GPC6: variants seen among roughly 807,000 people sequenced by gnomAD.
GPC6 encodes the protein glypican-6.
Under a neutral mutation model 55.2 loss-of-function variants are expected in GPC6, and 14 were observed. That is an observed-to-expected ratio of 0.25 (90% CI 0.17 to 0.40). The LOEUF (loss-of-function observed/expected upper bound fraction) is 0.40. GPC6 is among the 10% of genes least tolerant of loss of function. GPC6 has a pLI of 1.00. For missense variants in GPC6, 641 were observed against 708.5 expected, an observed-to-expected ratio of 0.90 and a Z score of 1.08; for synonymous variants, 278 against 259.6, an observed-to-expected ratio of 1.07 and a Z score of -0.68.
chr13:93,684,265 A>C (rs1881959161), intron 2 of GPC6, among the ~76,000 whole-genome samples: 1 of 152,100 alleles, frequency 6.6e-6, no homozygotes, highest in Non-Finnish European at 1.5e-5. Flanking sequence ...GGCTCACTGC[A>C]ACCTGCGCCT....
chr13:93,748,648 A>G (rs1006353151), intron 2 of GPC6, among the ~76,000 whole-genome samples: 15 of 152,104 alleles, frequency 9.9e-5, no homozygotes, highest in Admixed American at 7.2e-4. Context: ...GGTTAATATT[A>G]TTAGCAGTAA....
At chr13:94,175,957 G>A (rs7322374) in intron 4 of GPC6, among the ~76,000 whole-genome samples, 1 of 60,168 alleles carries the variant, frequency 1.7e-5, no homozygotes, top group Non-Finnish European at 4.1e-5. Flanking sequence ...TATATATATA[G>A]AGAGAGAGAG....
intron 1 of GPC6, among the ~76,000 whole-genome samples, chr13:93,414,500 T>C (rs1362233785): frequency 6.6e-6 from 1 of 152,198 alleles, no homozygotes; most frequent in African/African-American, 2.4e-5. Context: ...GGATGAGGAC[T>C]GTTACTCATC....
intron 6 of GPC6, among the ~76,000 whole-genome samples, chr13:94,364,618 C>T (rs1420694790): frequency 6.6e-6 from 1 of 152,084 alleles, no homozygotes; most frequent in Non-Finnish European, 1.5e-5. Flanking sequence ...TTTTAATGCT[C>T]GTTTATGTGT....
At chr13:94,191,948 C>T (rs1469230190) in intron 4 of GPC6, among the ~76,000 whole-genome samples, 1 of 152,118 alleles carries the variant, frequency 6.6e-6, no homozygotes, top group South Asian at 2.1e-4. Flanking sequence ...GAAAAATATC[C>T]TCTTATACTT....
intron 2 of GPC6, among the ~76,000 whole-genome samples, chr13:93,796,565 AAGAT>A (rs1200502231): frequency 2.6e-5 from 4 of 152,202 alleles, no homozygotes; most frequent in African/African-American, 9.6e-5. Context: ...AAAAAATCAA[AAGAT>A]AGTAAGACTG....
chr13:93,613,819 A>G (rs1163843431), intron 2 of GPC6, among the ~76,000 whole-genome samples: 1 of 152,064 alleles, frequency 6.6e-6, no homozygotes, highest in Non-Finnish European at 1.5e-5. Context: ...AAGTCCCACA[A>G]CCCTGGATGT....
chr13:93,674,900 T>A (rs1347115955), intron 2 of GPC6, among the ~76,000 whole-genome samples: 4 of 152,266 alleles, frequency 2.6e-5, no homozygotes, highest in Admixed American at 2.6e-4. Context: ...GTAAGGGACT[T>A]TTTATACCTG....
chr13:93,596,792 AC>A (rs1304825008), intron 2 of GPC6, among the ~76,000 whole-genome samples: 2 of 148,680 alleles, frequency 1.3e-5, no homozygotes, highest in African/African-American at 4.9e-5. Flanking sequence ...ACAGGTACAT[AC>A]ATATAGATGT....
chr13:93,710,445 T>C (rs1347204376), intron 2 of GPC6, among the ~76,000 whole-genome samples: 2 of 151,734 alleles, frequency 1.3e-5, no homozygotes, highest in African/African-American at 4.8e-5. Flanking sequence ...TCACATCTTG[T>C]GTAGTGAATC....
intron 2 of GPC6, among the ~76,000 whole-genome samples, chr13:93,748,269 A>G (rs1248443501): frequency 6.6e-6 from 1 of 152,190 alleles, no homozygotes; most frequent in Non-Finnish European, 1.5e-5. Context: ...TTTAAATGCA[A>G]TCTGAGAATT....
At chr13:93,680,812 T>C (rs1343285361) in intron 2 of GPC6, among the ~76,000 whole-genome samples, 1 of 152,124 alleles carries the variant, frequency 6.6e-6, no homozygotes, top group Non-Finnish European at 1.5e-5. Flanking sequence ...GTATGTGTTA[T>C]TCGTTTTTGG....
intron 1 of GPC6, among the ~76,000 whole-genome samples, chr13:93,428,350 G>A (rs1877228350): frequency 6.6e-6 from 1 of 152,100 alleles, no homozygotes; most frequent in Non-Finnish European, 1.5e-5. Context: ...ATTACAGAGA[G>A]AATGTTACCT....
chr13:94,231,840 AT>A (rs142480704), intron 4 of GPC6, among the ~76,000 whole-genome samples: 2,526 of 152,296 alleles, frequency 0.017, 65 homozygotes, highest in African/African-American at 0.055. Flanking sequence ...CACAAAAAAA[AT>A]GTCTGCTTGT....
At chr13:93,256,642 A>G (rs1322624418) in intron 1 of GPC6, among the ~76,000 whole-genome samples, 1 of 152,148 alleles carries the variant, frequency 6.6e-6, no homozygotes, top group African/African-American at 2.4e-5. Context: ...CCTAGAAAAC[A>G]ACCTCTATGT....
chr13:93,984,493 A>G (rs1157869804), intron 3 of GPC6, among the ~76,000 whole-genome samples: 4 of 152,214 alleles, frequency 2.6e-5, no homozygotes, highest in Non-Finnish European at 5.9e-5. Flanking sequence ...TGTAATTATT[A>G]AATAAATTTT....
chr13:93,900,775 A>T (rs1444543397), intron 3 of GPC6, among the ~76,000 whole-genome samples: 1 of 152,192 alleles, frequency 6.6e-6, no homozygotes, highest in Non-Finnish European at 1.5e-5. Context: ...GAAAATAATC[A>T]TGAGCAAATA....
chr13:93,488,482 C>G (rs539755825), intron 1 of GPC6, among the ~76,000 whole-genome samples: 2 of 152,124 alleles, frequency 1.3e-5, no homozygotes, highest in African/African-American at 4.8e-5. Flanking sequence ...TGGCTATATA[C>G]CCAGTAATGG....
At chr13:93,413,355 A>G (rs2139247905) in intron 1 of GPC6, among the ~76,000 whole-genome samples, 1 of 152,206 alleles carries the variant, frequency 6.6e-6, no homozygotes, top group South Asian at 2.1e-4. Context: ...TTAAAAATCT[A>G]TTTACATGAC....
Sources: allele counts gnomAD v4.1 joint callset (sites outside exome capture counted in the v4.1 genomes callset), GRCh38; gene constraint gnomAD v4.1.1; transcripts MANE v1.5; gene names NCBI Gene and HGNC (gene_info 2026-07-23, HGNC 2026-07-21).